The following SNX7 variants were observed in gnomAD, a reference collection of about 807,000 sequenced individuals.
SNX7 encodes sorting nexin-7.
SNX7 carries 35 observed loss-of-function variants against 48.4 expected under a neutral mutation model. The ratio of observed to expected loss-of-function variants is 0.72; its 90% CI spans 0.55 to 0.96. The LOEUF is 0.96. SNX7 is among the 40% of genes least tolerant of loss of function. The probability of loss-of-function intolerance (pLI) is 0.00; values close to 1 mark genes in which losing one functional copy is unlikely to be tolerated. For missense variants in SNX7, 553 were observed against 548.9 expected (o/e 1.01, Z -0.07); for synonymous variants, 190 against 190.2 (o/e 1.00, Z 0.01).
intron 7 of SNX7, among the ~76,000 whole-genome samples, chr1:98,704,801 C>T (rs185954208): frequency 2.0e-4 from 31 of 152,266 alleles, no homozygotes; most frequent in African/African-American, 6.0e-4. Flanking sequence ...TCAAAGTCAC[C>T]TTTGGGTGGG....
At chr1:98,704,560 A>G (rs1361362800) in intron 7 of SNX7, among the ~76,000 whole-genome samples, 4 of 152,178 alleles carry the variant, frequency 2.6e-5, no homozygotes, top group Admixed American at 6.6e-5. Flanking sequence ...TGGTCACAGA[A>G]AGACTGAAAG....
intron 8 of SNX7, among the ~76,000 whole-genome samples, chr1:98,747,719 A>G (rs1461331798): frequency 6.6e-6 from 1 of 152,186 alleles, no homozygotes; most frequent in Non-Finnish European, 1.5e-5. Context: ...AAGCATGTAA[A>G]ACACAGTCAA....
intron 7 of SNX7, among the ~76,000 whole-genome samples, chr1:98,733,183 T>G (rs972103136): frequency 8.6e-5 from 13 of 151,380 alleles, no homozygotes; most frequent in African/African-American, 2.9e-4. Context: ...GCACAGTGAA[T>G]GTATTACCAC....
intron 8 of SNX7, among the ~76,000 whole-genome samples, chr1:98,744,948 T>G (rs1654243941): frequency 6.6e-6 from 1 of 151,990 alleles, no homozygotes; most frequent in Non-Finnish European, 1.5e-5. Flanking sequence ...CATGTTACTT[T>G]CCTAGGTGAA....
At chr1:98,690,174 A>G (rs1267989642) in intron 2 of SNX7, among the ~76,000 whole-genome samples, 1 of 152,106 alleles carries the variant, frequency 6.6e-6, no homozygotes, top group African/African-American at 2.4e-5. Flanking sequence ...TTCCATGTTT[A>G]CTTCTGCAGG....
At chr1:98,754,926 G>C (rs1006240573) in intron 8 of SNX7, among the ~76,000 whole-genome samples, 6 of 151,248 alleles carry the variant, frequency 4.0e-5, no homozygotes, top group African/African-American at 1.5e-4. Context: ...CTCTTTTCAT[G>C]TGTAGGCATT....
At chr1:98,742,246 G>A (rs578086895) in intron 8 of SNX7, among the ~76,000 whole-genome samples, 3 of 152,210 alleles carry the variant, frequency 2.0e-5, no homozygotes, top group East Asian at 3.9e-4. Context: ...CCAATGATGA[G>A]GGTAGGGCTA....
rs144635743 is a variant in SNX7, at chr1:98,755,458, T to C, written c.1279-4596T>C. Among the ~76,000 whole-genome samples, 548 of 146,644 alleles carry C rather than the reference T, an allele frequency of 3.7e-3. 5 individuals are homozygous for C. Among genetic ancestry groups the C allele is most frequent in the African/African-American group, 0.013 (512 of 39,524 alleles). Reference sequence around the variant, plus strand: ...TGTCAGTTTTTATGAAACTCTTTTATGTGTGTAAACATTTTAAATTATGTC... The same window carrying C: ...TGTCAGTTTTTATGAAACTCTTTTACGTGTGTAAACATTTTAAATTATGTC... On this transcript the variant is annotated intron_variant, in intron 8 of 8. Coordinates refer to ENST00000306121, the MANE Select transcript of SNX7 (RefSeq NM_015976.5).
chr1:98,744,786 G>T (rs1654237072), intron 8 of SNX7, among the ~76,000 whole-genome samples: 1 of 151,916 alleles, frequency 6.6e-6, no homozygotes, highest in Admixed American at 6.6e-5. Flanking sequence ...GAGATGGCTG[G>T]GTATCTTCTG....
chr1:98,750,122 A>G (rs1471760381), intron 8 of SNX7, among the ~76,000 whole-genome samples: 1 of 151,930 alleles, frequency 6.6e-6, no homozygotes, highest in Non-Finnish European at 1.5e-5. Context: ...AATAATAAGT[A>G]TCATTATTAT....
chr1:98,699,440 T>G (rs2100971864), intron 6 of SNX7, among the ~76,000 whole-genome samples: 1 of 152,314 alleles, frequency 6.6e-6, no homozygotes, highest in South Asian at 2.1e-4. Flanking sequence ...TGCATTTTAC[T>G]TCCTCAGTTC....
At chr1:98,665,163 A>G (rs2100899082) in intron 1 of SNX7, among the ~76,000 whole-genome samples, 1 of 152,200 alleles carries the variant, frequency 6.6e-6, no homozygotes, top group East Asian at 1.9e-4. Context: ...TGATAGCTCT[A>G]ATTGGCCTCT....
At position 98,698,720 on chromosome 1, in the gene SNX7, A is replaced by C. The variant is rs1651591281; in HGVS notation, c.853A>C (p.Met285Leu). Residue 285 changes from methionine to leucine, a missense_variant, in exon 6 of 9, where the codon ATG becomes CTG. Transcript: ENST00000306121. ...TTTTTTTTTAGAATATTTTGATGAAATGAAAGAATATGGCCCAATTCATAT... is the reference window on the plus strand; with the variant it reads ...TTTTTTTTTAGAATATTTTGATGAACTGAAAGAATATGGCCCAATTCATAT... Reference protein sequence around the residue: ...YKEEREYFDEMKEYGPIHILW... With the variant: ...YKEEREYFDELKEYGPIHILW... The C allele has an allele frequency of 6.2e-7, 1 of 1,608,934 alleles. No homozygotes were observed. The highest frequency in any genetic ancestry group is 1.3e-5 in the African/African-American group (1 of 74,640).
chr1:98,694,783 T>C (rs1233141770), intron 4 of SNX7, among the ~76,000 whole-genome samples: 1 of 151,358 alleles, frequency 6.6e-6, no homozygotes, highest in African/African-American at 2.4e-5. Context: ...AATTTTTTTG[T>C]ATTTTTAGTA....
intron 1 of SNX7, among the ~76,000 whole-genome samples, chr1:98,672,257 T>C (rs2100913594): frequency 6.6e-6 from 1 of 152,070 alleles, no homozygotes; most frequent in African/African-American, 2.4e-5. Flanking sequence ...ATCTTCTTCA[T>C]TTTGGGATCA....
chr1:98,709,703 TTA>T (rs1268218775), intron 7 of SNX7, among the ~76,000 whole-genome samples: 1 of 152,200 alleles, frequency 6.6e-6, no homozygotes, highest in Non-Finnish European at 1.5e-5. Context: ...ATCTTGGGTT[TTA>T]TATCTGATCT....
At chr1:98,666,567 C>T (rs190380410) in intron 1 of SNX7, among the ~76,000 whole-genome samples, 5 of 152,078 alleles carry the variant, frequency 3.3e-5, no homozygotes, top group African/African-American at 4.8e-5. Context: ...TGGGTGGGGT[C>T]GTAGGACATA....
chr1:98,673,490 T>C (rs1483395507), intron 1 of SNX7, among the ~76,000 whole-genome samples: 2 of 152,180 alleles, frequency 1.3e-5, no homozygotes, highest in African/African-American at 2.4e-5. Flanking sequence ...ATCTTACTTA[T>C]CTATATATTT....
In SNX7 at chr1:98,667,244, G is replaced by A. The variant is rs1649583018; in HGVS notation, c.180+5333G>A. Among the ~76,000 whole-genome samples the A allele has an allele frequency of 3.9e-5, 6 of 152,314 alleles. No individual in the cohort carries two copies. The South Asian group carries it at 1.2e-3, about 32-fold the overall frequency. ...ATCAGCCTTCCAAATCTTTTGATAA[G>A]TTAGAACATTGTATTCAGAAGTAGA... On this transcript the variant is annotated intron_variant, in intron 1 of 8. Transcript: ENST00000306121.
Sources: gnomAD v4.1 joint callset for allele counts (sites outside exome capture counted in the v4.1 genomes callset) on GRCh38, gnomAD v4.1.1 for gene constraint, MANE v1.5 for transcripts, NCBI Gene and HGNC (gene_info 2026-07-23, HGNC 2026-07-21) for gene names.